The following LIMCH1 variants were observed in gnomAD, a reference collection of about 807,000 sequenced individuals.
LIMCH1 encodes the protein LIM and calponin homology domains 1, also known as LIM and calponin homology domains-containing protein 1.
In LIMCH1, 113 loss-of-function variants were observed where a neutral mutation model predicts 176.5. That is an observed-to-expected ratio of 0.64 (90% confidence interval 0.55 to 0.75). LIMCH1 has a LOEUF of 0.75. Ranked by LOEUF, LIMCH1 falls within the 30% of genes least tolerant of loss-of-function variation. The pLI, the probability that LIMCH1 is intolerant of heterozygous loss-of-function variation, is 0.00. For missense variants in LIMCH1, 1,674 were observed against 1,814.9 expected (o/e 0.92, Z 1.41); for synonymous variants, 619 against 645.9 (o/e 0.96, Z 0.63).
intron 1 of LIMCH1, among the ~76,000 whole-genome samples, chr4:41,441,096 A>G (rs4527518): frequency 0.2 from 30,027 of 152,006 alleles, 3,721 homozygotes; most frequent in African/African-American, 0.36. Context: ...CCTCTTCCCA[A>G]CACTTTGCTG....
intron 1 of LIMCH1, among the ~76,000 whole-genome samples, chr4:41,448,163 T>C (rs533842672): frequency 6.6e-6 from 1 of 152,356 alleles, no homozygotes; most frequent in Non-Finnish European, 1.5e-5. Flanking sequence ...TTGGGAGCTT[T>C]TGCATTATTG....
At chr4:41,572,488 G>A in intron 1 of LIMCH1, among the ~76,000 whole-genome samples, 1 of 152,168 alleles carries the variant, frequency 6.6e-6, no homozygotes, top group East Asian at 1.9e-4. Context: ...TTTGAGTGAT[G>A]TGGAATTTGA....
chr4:41,446,277 G>A (rs768514539), intron 1 of LIMCH1, among the ~76,000 whole-genome samples: 1 of 152,078 alleles, frequency 6.6e-6, no homozygotes, highest in African/African-American at 2.4e-5. Context: ...ATGCAGCAGG[G>A]TATAGGGGAT....
chr4:41,662,341 G>A (rs1429137827), intron 19 of LIMCH1, among the ~76,000 whole-genome samples: 2 of 151,966 alleles, frequency 1.3e-5, no homozygotes, highest in African/African-American at 4.8e-5. Context: ...TATTTTCATT[G>A]CATTATATAC....
Position 41,464,827 on chromosome 4 carries a change from T to C in LIMCH1, c.97-29709T>C, listed in dbSNP as rs971377719. On this transcript the variant is annotated intron_variant, in intron 1 of 26. Coordinates refer to the LIMCH1 transcript ENST00000313860. Reference sequence around the variant, plus strand: ...CCCCTCCACAAGCTTCCTCAAACCTTGCGCTTCTTGTGTGGAGCACAGAGT... The same window carrying C: ...CCCCTCCACAAGCTTCCTCAAACCTCGCGCTTCTTGTGTGGAGCACAGAGT... Among the ~76,000 whole-genome samples, 18 of 152,340 alleles carry C rather than the reference T, an allele frequency of 1.2e-4. No homozygotes were observed. In the East Asian group the frequency reaches 2.1e-3, roughly 18 times the overall value.
chr4:41,632,953 T>G, intron 11 of LIMCH1, 24 bp from the exon 12 acceptor site: 1 of 1,532,746 alleles, frequency 6.5e-7, no homozygotes, highest in South Asian at 1.2e-5. Context: ...TTCCTAGGAG[T>G]GAAACTGTCC....
intron 31 of LIMCH1, among the ~76,000 whole-genome samples, chr4:41,696,307 A>G (rs560897160): frequency 6.6e-6 from 1 of 152,200 alleles, no homozygotes; most frequent in Non-Finnish European, 1.5e-5. Flanking sequence ...GTCTTTGTAC[A>G]TGGTGTTCTG....
intron 1 of LIMCH1, among the ~76,000 whole-genome samples, chr4:41,419,572 T>G (rs143282207): frequency 0.048 from 3,903 of 80,856 alleles, 122 homozygotes; most frequent in African/African-American, 0.089. Flanking sequence ...CCTTCCTTCC[T>G]TCCTTCCTTC....
intron 1 of LIMCH1, among the ~76,000 whole-genome samples, chr4:41,371,385 G>A (rs1869286): frequency 0.23 from 35,504 of 152,016 alleles, 4,253 homozygotes; most frequent in Admixed American, 0.29. Flanking sequence ...CATTACAGGA[G>A]CCCAATGAAC....
chr4:41,638,962 C>T lies in LIMCH1; in HGVS notation c.2121C>T (p.Asp707=), dbSNP rs774774716. Residue 707 remains aspartate (D), a synonymous_variant, in exon 14 of 32, where the codon GAC becomes GAT. Transcript: ENST00000503057. ...RYGPRTPVSD[D]AESTSMFDMR... is the part of the protein sequence containing the mutation. Reference sequence around the variant, plus strand: ...GTCCGAGAACTCCTGTGTCTGATGACGCAGAGTAAGTTGCCTTGTATTTGT... The same window carrying T: ...GTCCGAGAACTCCTGTGTCTGATGATGCAGAGTAAGTTGCCTTGTATTTGT... The T allele has an allele frequency of 2.6e-5, 41 of 1,586,874 alleles. No individual in the cohort carries two copies. Among genetic ancestry groups the T allele is most frequent in the Admixed American group, 3.8e-5 (2 of 52,714 alleles).
intron 2 of LIMCH1, among the ~76,000 whole-genome samples, chr4:41,511,912 T>G (rs145490405): frequency 9.2e-5 from 14 of 152,222 alleles, no homozygotes; most frequent in Non-Finnish European, 1.5e-4. Context: ...AAAAAATAAA[T>G]AAACTGGACT....
At chr4:41,388,693 A>G (rs2056824144) in intron 1 of LIMCH1, among the ~76,000 whole-genome samples, 1 of 151,888 alleles carries the variant, frequency 6.6e-6, no homozygotes, top group South Asian at 2.1e-4. Context: ...CCCAGGCTGG[A>G]GTGCAATGGC....
intron 1 of LIMCH1, among the ~76,000 whole-genome samples, chr4:41,467,925 T>C (rs528804383): frequency 6.6e-6 from 1 of 152,332 alleles, no homozygotes; most frequent in Non-Finnish European, 1.5e-5. Flanking sequence ...ACGCCATTCA[T>C]ACAGCGTCAC....
Position 41,556,825 on chromosome 4 carries a change from C to T in LIMCH1, c.-241+18475C>T, listed in dbSNP as rs376189546. On this transcript the variant is annotated intron_variant, in intron 1 of 31. Coordinates refer to ENST00000503057, the MANE Select transcript of LIMCH1 (RefSeq NM_001330672.2). Reference sequence around the variant, plus strand: ...AGCAATTTGAGGAGTGTTTTTGAAACTAAGAGACTGGGTTTCTAAGAGATA... The same window carrying T: ...AGCAATTTGAGGAGTGTTTTTGAAATTAAGAGACTGGGTTTCTAAGAGATA... Among the ~76,000 whole-genome samples the T allele has an allele frequency of 1.3e-3, 197 of 152,182 alleles. 6 individuals carry two copies. In the South Asian group the frequency reaches 0.038, roughly 29 times the overall value.
intron 1 of LIMCH1, among the ~76,000 whole-genome samples, chr4:41,561,830 A>G (rs2082103904): frequency 6.6e-6 from 1 of 152,170 alleles, no homozygotes; most frequent in African/African-American, 2.4e-5. Flanking sequence ...TCCTAATTAC[A>G]CCGTGAAGAA....
chr4:41,680,231 G>C, intron 24 of LIMCH1, 133 bp downstream of exon 24: 1 of 655,860 alleles, frequency 1.5e-6, no homozygotes, highest in Non-Finnish European at 2.7e-6. Context: ...ATCCCATCAA[G>C]CTCTTTAAAA....
In LIMCH1 at chr4:41,384,273, C is replaced by T. The variant is rs540974995; in HGVS notation, c.96+23337C>T. ...AGGCTGGAGTGCAGTGGTGCGATCTCGGCTCACTACAAGCTCCGTCTCCTG... is the reference window on the plus strand; with the variant it reads ...AGGCTGGAGTGCAGTGGTGCGATCTTGGCTCACTACAAGCTCCGTCTCCTG... On this transcript the variant is annotated intron_variant, in intron 1 of 26. Transcript: ENST00000313860. 3.2e-4 allele frequency among the ~76,000 whole-genome samples: 48 copies of T among 151,666 alleles called. No homozygotes were observed. In the South Asian group the frequency reaches 9.4e-3, roughly 30 times the overall value.
chr4:41,654,954 G>C (rs1278204651), intron 18 of LIMCH1, among the ~76,000 whole-genome samples: 1 of 152,122 alleles, frequency 6.6e-6, no homozygotes, highest in Admixed American at 6.5e-5. Flanking sequence ...ACTGGCTTCT[G>C]TAAGAAAATC....
intron 1 of LIMCH1, among the ~76,000 whole-genome samples, chr4:41,416,333 C>T (rs938751641): frequency 1.3e-5 from 2 of 151,900 alleles, no homozygotes; most frequent in Non-Finnish European, 2.9e-5. Flanking sequence ...TAATATTTAC[C>T]CTGGTATGCT....
Sources: gnomAD v4.1 joint callset for allele counts (sites outside exome capture counted in the v4.1 genomes callset) on GRCh38, gnomAD v4.1.1 for gene constraint, MANE v1.5 for transcripts, NCBI Gene and HGNC (gene_info 2026-07-23, HGNC 2026-07-21) for gene names.